Variants in KDM6A observed in about 807,000 individuals in gnomAD.
The protein encoded by KDM6A is lysine demethylase 6A.
A neutral mutation model predicts 117.6 loss-of-function variants in KDM6A; 11 were observed. The ratio of observed to expected loss-of-function variants is 0.09; its 90% CI spans 0.06 to 0.15. The LOEUF is 0.15. Among genes scored for constraint, KDM6A ranks in the 10% least tolerant of loss-of-function variants. The pLI is 1.00. For synonymous variants in KDM6A, 384 were observed against 396.1 expected (o/e 0.97, Z 0.36); for missense variants, 799 against 1,077.3 (o/e 0.74, Z 3.62).
Position 45,063,594 on chromosome X carries a change from T to G in KDM6A, c.1856T>G (p.Leu619Trp). 2 of 1,211,694 alleles carry G rather than the reference T, an allele frequency of 1.7e-6. No individual in the cohort carries two copies. The highest frequency in any genetic ancestry group is 2.2e-6 in the Non-Finnish European group (2 of 895,339). The part of the protein sequence containing the change: ...GVRPACPGQP[L>W]ANGPFSAGHV... ...CGTCCTGCCTGCCCTGGGCAGCCTT[T>G]GGCCAATGGACCCTTTTCTGCAGGC... Residue 619 changes from leucine to tryptophan, a missense_variant, in exon 17 of 30, where the codon TTG (leucine) becomes TGG (tryptophan). This residue lies in a region of KDM6A where 301 missense variants were observed against 318.3 expected (regional missense o/e 0.95). Transcript: ENST00000611820.
intron 27 of KDM6A, among the ~76,000 whole-genome samples, chrX:45,104,745 T>C (rs2046465305): frequency 8.9e-6 from 1 of 111,913 alleles, no homozygotes; most frequent in Non-Finnish European, 1.9e-5. Flanking sequence ...ATCACAGTTT[T>C]GTTATTCATC....
chrX:45,023,435 T>C (rs1307749706), intron 6 of KDM6A, among the ~76,000 whole-genome samples: 2 of 111,630 alleles, frequency 1.8e-5, no homozygotes, highest in Non-Finnish European at 3.8e-5. Context: ...TCACAAAATG[T>C]GTCTCTGAAA....
intron 27 of KDM6A, among the ~76,000 whole-genome samples, chrX:45,100,469 C>T (rs1398098139): frequency 3.6e-5 from 4 of 111,711 alleles, no homozygotes; most frequent in African/African-American, 1.3e-4. Context: ...TAAATCACCA[C>T]GATAAGTAAT....
intron 10 of KDM6A, among the ~76,000 whole-genome samples, chrX:45,055,050 C>T (rs1322394402): frequency 3.5e-4 from 39 of 111,224 alleles, no homozygotes; most frequent in Admixed American, 3.5e-3. Flanking sequence ...AGTTGAGAAA[C>T]CCTGAGTTAG....
At chrX:44,990,263 G>A (rs1440236703) in intron 4 of KDM6A, among the ~76,000 whole-genome samples, 1 of 111,893 alleles carries the variant, frequency 8.9e-6, no homozygotes, top group Non-Finnish European at 1.9e-5. Context: ...CTGTCGCTGG[G>A]CACAGTGTCT....
chrX:44,968,864 AGC>A (rs1426866628), intron 3 of KDM6A, among the ~76,000 whole-genome samples: 2 of 108,556 alleles, frequency 1.8e-5, no homozygotes, highest in Non-Finnish European at 3.8e-5. Context: ...CAGCTACTTG[AGC>A]GGCTAAGGCA....
chrX:45,051,816 T>C lies in KDM6A; in HGVS notation c.748+14T>C, dbSNP rs769997247. On this transcript the variant is annotated intron_variant, in intron 9 of 29. Coordinates refer to ENST00000611820, the MANE Select transcript of KDM6A (RefSeq NM_001291415.2). ...TACAACAGTTAGGTATGTAATAGTATACATTTAGTGTATTATAAGTGCTTC... is the reference window on the plus strand; with the variant it reads ...TACAACAGTTAGGTATGTAATAGTACACATTTAGTGTATTATAAGTGCTTC... The C allele has an allele frequency of 4.2e-6, 4 of 962,936 alleles. No individual in the cohort carries two copies. The highest frequency in any genetic ancestry group is 4.0e-5 in the South Asian group (2 of 49,884). 79.4% of individuals were successfully genotyped at this position (962,936 alleles called of 1,213,427 possible). A position where few individuals can be genotyped will look rare whatever the true frequency, so the allele number is the denominator to read the frequency against.
rs200356311 is a variant in KDM6A, at chrX:44,895,074, TTTTATTTATTTA to T, written c.225+21123_225+21134del. On this transcript the variant is annotated intron_variant, in intron 2 of 29. Coordinates refer to ENST00000611820, the MANE Select transcript of KDM6A (RefSeq NM_001291415.2). ...GAGCCACCACGCCCAGCAACTTTTA[TTTTATTTATTTA>T]TTTATTTATTTATTTATTTATTTAT... 9.7e-3 allele frequency among the ~76,000 whole-genome samples: 891 copies of T among 91,682 alleles called. 14 individuals are homozygous for T. Among genetic ancestry groups the T allele is most frequent in the African/African-American group, 0.03 (716 of 23,961 alleles). The allele number at this position is 91,682 out of a possible 115,157, so 79.6% of individuals were successfully genotyped here.
At chrX:45,028,689 G>A (rs765231002) in intron 6 of KDM6A, among the ~76,000 whole-genome samples, 1 of 111,557 alleles carries the variant, frequency 9.0e-6, no homozygotes, top group African/African-American at 3.3e-5. Flanking sequence ...TCGTCAGCTT[G>A]TACTTTACCA....
chrX:45,093,412 C>T (rs1053521025), intron 27 of KDM6A, among the ~76,000 whole-genome samples: 2 of 106,482 alleles, frequency 1.9e-5, no homozygotes, highest in African/African-American at 3.4e-5. Context: ...AAAAAAAAAA[C>T]GGATCTAATT....
At chrX:44,946,974 CTTTTT>C (rs919972908) in intron 2 of KDM6A, among the ~76,000 whole-genome samples, 1 of 111,453 alleles carries the variant, frequency 9.0e-6, no homozygotes, top group African/African-American at 3.3e-5. Flanking sequence ...ATTTTTCTGT[CTTTTT>C]TAAGTCTTTC....
At chrX:44,973,825 A>G (rs1278953214) in intron 3 of KDM6A, among the ~76,000 whole-genome samples, 1 of 110,407 alleles carries the variant, frequency 9.1e-6, no homozygotes, top group Admixed American at 9.7e-5. Flanking sequence ...TGAATTATTT[A>G]TTTCTGCTAT....
chrX:44,907,505 G>T (rs185886411), intron 2 of KDM6A, among the ~76,000 whole-genome samples: 3,980 of 94,285 alleles, frequency 0.042, 277 homozygotes, highest in African/African-American at 0.15. Context: ...TTCTGAGACA[G>T]CGTCTTGTTC....
chrX:45,104,024 CTTT>C (rs761228898), intron 27 of KDM6A, among the ~76,000 whole-genome samples: 4 of 94,594 alleles, frequency 4.2e-5, no homozygotes. Context: ...AAATTGAATT[CTTT>C]TTTTTTTTTT....
chrX:45,064,038 C>T (rs2044421979), intron 17 of KDM6A, among the ~76,000 whole-genome samples: 2 of 111,612 alleles, frequency 1.8e-5, no homozygotes, highest in Non-Finnish European at 3.8e-5. Context: ...AGCAAATTTA[C>T]AAAGGAAGAA....
intron 21 of KDM6A, among the ~76,000 whole-genome samples, chrX:45,081,031 C>T (rs971002052): frequency 8.9e-6 from 1 of 112,020 alleles, no homozygotes; most frequent in Non-Finnish European, 1.9e-5. Flanking sequence ...CTCCCAGGTT[C>T]AAGCAGTTCT....
intron 2 of KDM6A, among the ~76,000 whole-genome samples, chrX:44,936,239 T>C (rs902515310): frequency 1.3e-4 from 15 of 111,328 alleles, no homozygotes; most frequent in African/African-American, 4.6e-4. Flanking sequence ...ACGATTGTAT[T>C]TGGGGCCCAC....
intron 5 of KDM6A, among the ~76,000 whole-genome samples, chrX:45,016,238 G>A (rs1020096549): frequency 9.0e-6 from 1 of 110,561 alleles, no homozygotes; most frequent in Non-Finnish European, 1.9e-5. Context: ...TTCATCAAAT[G>A]TTTCTAATTA....
intron 5 of KDM6A, among the ~76,000 whole-genome samples, chrX:45,013,044 T>C (rs2041831278): frequency 8.9e-6 from 1 of 112,141 alleles, no homozygotes; most frequent in South Asian, 3.7e-4. Flanking sequence ...AGCCTACTTA[T>C]AGAATTCAAA....
Sources: allele counts gnomAD v4.1 joint callset (sites outside exome capture counted in the v4.1 genomes callset), GRCh38; gene constraint gnomAD v4.1.1; regional missense constraint gnomAD v4.1.1; transcripts MANE v1.5; gene names NCBI Gene and HGNC (gene_info 2026-07-23, HGNC 2026-07-21).